Variants in CREBL2 observed in about 807,000 individuals in gnomAD.
CREBL2 encodes the protein cAMP-responsive element-binding protein-like 2.
In CREBL2, 4 loss-of-function variants were observed where a neutral mutation model predicts 19.5. The observed-to-expected ratio is 0.20, with a 90% CI of 0.10 to 0.47. CREBL2 has a LOEUF of 0.47. Among genes scored for constraint, CREBL2 ranks in the 20% least tolerant of loss-of-function variants. The pLI is 0.98. For missense variants in CREBL2, 85 were observed against 145.1 expected, an observed-to-expected ratio of 0.59 and a Z score of 2.13; for synonymous variants, 42 against 46.6, an observed-to-expected ratio of 0.90 and a Z score of 0.40.
At position 12,643,957 on chromosome 12, in the gene CREBL2, T is replaced by A. The variant is rs1055979074; in HGVS notation, c.*1959T>A. 2 of 152,672 alleles carry A rather than the reference T, an allele frequency of 1.3e-5. No homozygotes were observed. The highest frequency in any genetic ancestry group is 4.8e-5 in the African/African-American group (2 of 41,462). The allele number at this position is 152,672 out of a possible 1,614,324, so 9.5% of individuals were successfully genotyped here. On this transcript the variant is annotated 3_prime_UTR_variant, in exon 4 of 4. Transcript: ENST00000228865. Reference sequence around the variant, plus strand: ...ACTTTATGTTGCTTTGTTCAGTACCTTTTGAATTCCCCCAGAAGAGTTGTT... The same window carrying A: ...ACTTTATGTTGCTTTGTTCAGTACCATTTGAATTCCCCCAGAAGAGTTGTT...
At chr12:12,618,473 G>T (rs1465076345) in intron 1 of CREBL2, among the ~76,000 whole-genome samples, 3 of 151,914 alleles carry the variant, frequency 2.0e-5, no homozygotes, top group African/African-American at 7.3e-5. Context: ...TCAGACGTTG[G>T]GCGGCCGGGC....
chr12:12,629,835 A>G (rs1466319483), intron 1 of CREBL2, among the ~76,000 whole-genome samples: 2 of 152,030 alleles, frequency 1.3e-5, no homozygotes, highest in African/African-American at 4.8e-5. Context: ...AATTTCTGTC[A>G]AGTCCTTTTT....
rs761407635 is a variant in CREBL2 at position 12,641,263 on chromosome 12, ATTT to A, written c.359-719_359-717del. 5.4e-3 allele frequency among the ~76,000 whole-genome samples: 463 copies of A among 85,910 alleles called. 11 individuals are homozygous for A. The highest frequency in any genetic ancestry group is 0.037 in the East Asian group (109 of 2,962). The allele number at this position is 85,910 out of a possible 152,430, so 56.4% of individuals were successfully genotyped here. On this transcript the variant is annotated intron_variant, in intron 3 of 3. Transcript: ENST00000228865. ...ATTATTATTATTATTATTTTTTTTT[ATTT>A]TTTTTTTTTTTAGGTCAACCTCTGG...
chr12:12,614,806 TA>T, intron 1 of CREBL2: 1 of 386,398 alleles, frequency 2.6e-6, no homozygotes, highest in Non-Finnish European at 5.1e-6. Flanking sequence ...GAATGCTGGG[TA>T]ACATTGTAGA....
chr12:12,614,922 A>G (rs34725378), intron 1 of CREBL2: 80,526 of 208,036 alleles, frequency 0.39, 16,384 homozygotes, highest in South Asian at 0.5. Context: ...CAGTGGCACG[A>G]TCTCAGCTCA....
intron 3 of CREBL2, among the ~76,000 whole-genome samples, chr12:12,640,204 A>G (rs1030918819): frequency 6.6e-6 from 1 of 152,196 alleles, no homozygotes. Flanking sequence ...GCAGGAGACC[A>G]GGGCGTATCT....
intron 2 of CREBL2, 152 bp from the exon 3 acceptor site, chr12:12,637,418 G>C (rs551762405): frequency 6.1e-6 from 2 of 329,520 alleles, no homozygotes; most frequent in South Asian, 2.6e-4. Context: ...TAATACCATG[G>C]AGGGTGGGAT....
chr12:12,612,602 C>T (rs1362459979), intron 1 of CREBL2, among the ~76,000 whole-genome samples: 2 of 152,096 alleles, frequency 1.3e-5, no homozygotes, highest in Admixed American at 1.3e-4. Context: ...TTACTCAATG[C>T]CCCATTCATA....
intron 1 of CREBL2, among the ~76,000 whole-genome samples, chr12:12,624,366 A>T (rs1400974185): frequency 6.6e-6 from 1 of 152,236 alleles, no homozygotes; most frequent in East Asian, 1.9e-4. Flanking sequence ...GATGGTGGGG[A>T]GATGCACTGG....
intron 1 of CREBL2, among the ~76,000 whole-genome samples, chr12:12,632,997 G>T (rs972326751): frequency 1.3e-5 from 2 of 150,798 alleles, no homozygotes; most frequent in African/African-American, 4.9e-5. Flanking sequence ...GCAGTGGCCC[G>T]ATCTGGACCC....
chr12:12,641,934 G>A (rs1592243690), intron 3 of CREBL2, 60 bp from the exon 4 acceptor site: 3 of 1,279,948 alleles, frequency 2.3e-6, no homozygotes, highest in East Asian at 2.5e-5. Flanking sequence ...TCTTAAAACA[G>A]ATTAATCAAA....
Position 12,642,337 on chromosome 12 carries a change from A to G in CREBL2, c.*339A>G. 1 of 201,146 alleles carries G rather than the reference A, an allele frequency of 5.0e-6. No individual in the cohort carries two copies. Among genetic ancestry groups the G allele is most frequent in the South Asian group, 1.8e-4 (1 of 5,594 alleles). 12.5% of individuals were successfully genotyped at this position (201,146 alleles called of 1,614,324 possible). A position where few individuals can be genotyped will look rare whatever the true frequency, so the allele number is the denominator to read the frequency against. ...TCCACATTGCTTTATTGGTTAATTT[A>G]TATTCTTTCCATGTAATTCATGTAA... On this transcript the variant is annotated 3_prime_UTR_variant, in exon 4 of 4. Coordinates refer to ENST00000228865, the MANE Select transcript of CREBL2 (RefSeq NM_001310.4).
rs1040947992 is a variant in CREBL2, at chr12:12,622,276, A to G, written c.15+10089A>G. 3.0e-4 allele frequency among the ~76,000 whole-genome samples: 45 copies of G among 152,318 alleles called. 1 individual carries two copies. The highest frequency in any genetic ancestry group is 1.1e-3 in the African/African-American group (44 of 41,582). ...AAGAAAGGCCTGGACTGAAGACCAT[A>G]TTAGAGACTTTACAATGTAAGTTGC... On this transcript the variant is annotated intron_variant, in intron 1 of 3. Transcript: ENST00000228865.
At chr12:12,615,180 A>G in intron 1 of CREBL2, among the ~76,000 whole-genome samples, 1 of 151,784 alleles carries the variant, frequency 6.6e-6, no homozygotes, top group African/African-American at 2.4e-5. Context: ...ACAACCGATT[A>G]ATTTTTGTAT....
At chr12:12,615,538 A>T (rs1019439532) in intron 1 of CREBL2, 6 of 150,524 alleles carry the variant, frequency 4.0e-5, no homozygotes, top group Admixed American at 2.7e-4. Context: ...TTGCTCTGTC[A>T]CCAGGTTGTA....
rs1426616844 is a variant in CREBL2 at position 12,622,334 on chromosome 12, A to T, written c.15+10147A>T. ...GCGGCGTGCATAAAATTCTGAAAAG[A>T]TAAAGAGTGAAGAGAATAGAGAGCT... On this transcript the variant is annotated intron_variant, in intron 1 of 3. Transcript: ENST00000228865. 2.0e-5 allele frequency among the ~76,000 whole-genome samples: 3 copies of T among 152,368 alleles called. No individual in the cohort carries two copies. The South Asian group carries it at 6.2e-4, about 32-fold the overall frequency.
At chr12:12,635,627 G>C in intron 1 of CREBL2, 150 bp from the exon 2 acceptor site, 1 of 776,598 alleles carries the variant, frequency 1.3e-6, no homozygotes, top group Non-Finnish European at 2.0e-6. Flanking sequence ...GAAAGACCCA[G>C]AAGGCATTTG....
chr12:12,624,386 G>A (rs1357102212), intron 1 of CREBL2, among the ~76,000 whole-genome samples: 1 of 152,216 alleles, frequency 6.6e-6, no homozygotes, highest in Non-Finnish European at 1.5e-5. Context: ...GGAACCTATT[G>A]TAACAACCTG....
At chr12:12,612,458 G>A (rs968764207) in intron 1 of CREBL2, among the ~76,000 whole-genome samples, 2 of 152,150 alleles carry the variant, frequency 1.3e-5, no homozygotes, top group Non-Finnish European at 2.9e-5. Context: ...TCCTTAACTT[G>A]CCTGTCGAGA....
Sources: gnomAD v4.1 joint callset for allele counts (sites outside exome capture counted in the v4.1 genomes callset) on GRCh38, gnomAD v4.1.1 for gene constraint, MANE v1.5 for transcripts, NCBI Gene and HGNC (gene_info 2026-07-23, HGNC 2026-07-21) for gene names.